GLYATL2: variants seen among roughly 807,000 people sequenced by gnomAD.
GLYATL2 encodes glycine-N-acyltransferase like 2, also known as glycine N-acyltransferase-like protein 2.
A neutral mutation model predicts 21.4 loss-of-function variants in GLYATL2; 25 were observed. That is an observed-to-expected ratio of 1.17 (90% CI 0.85 to 1.63). The LOEUF is 1.63. Among genes scored for constraint, GLYATL2 ranks in the 40% most tolerant of loss-of-function variants. GLYATL2 has a pLI of 0.00. For missense variants in GLYATL2, 361 were observed against 343.3 expected (o/e 1.05, Z -0.41); for synonymous variants, 114 against 118.2 (o/e 0.96, Z 0.23).
chr11:58,851,550 T>G (rs965524932), intron 1 of GLYATL2, among the ~76,000 whole-genome samples: 2 of 100,822 alleles, frequency 2.0e-5, no homozygotes, highest in African/African-American at 6.3e-5. Context: ...CCACAAAAAT[T>G]AAATATTAAA....
intron 1 of GLYATL2, among the ~76,000 whole-genome samples, chr11:58,877,088 T>A (rs1854248232): frequency 6.6e-6 from 1 of 152,202 alleles, no homozygotes; most frequent in African/African-American, 2.4e-5. Context: ...CCTCTGTGCC[T>A]TGTGCAGGAT....
chr11:58,895,840 T>C (rs1339869297), intron 1 of GLYATL2, among the ~76,000 whole-genome samples: 5 of 151,506 alleles, frequency 3.3e-5, no homozygotes, highest in Admixed American at 1.3e-4. Context: ...GCCAGGCATA[T>C]TCAACATGGA....
chr11:58,875,723 T>C (rs1479632383), intron 1 of GLYATL2, among the ~76,000 whole-genome samples: 1 of 152,224 alleles, frequency 6.6e-6, no homozygotes, highest in Non-Finnish European at 1.5e-5. Context: ...GCCCTCAACA[T>C]TTTTTCCTTC....
rs774789398 is a variant in GLYATL2 at position 58,834,643 on chromosome 11, C to T, written c.671G>A (p.Arg224Lys). 6.2e-7 allele frequency: 1 copy of T among 1,613,486 alleles called. No individual in the cohort carries two copies. Among genetic ancestry groups the T allele is most frequent in the South Asian group, 1.1e-5 (1 of 91,014 alleles). The change falls in exon 6 of 6, where the codon AGA (arginine) becomes AAA (lysine). Residue 224 changes from arginine to lysine, a missense_variant. Arg to Lys is a conservative substitution (Grantham distance 26). Transcript: ENST00000287275. ...WIVMEQSCELRMGYTVPKYRH... is the reference protein window; with the variant it reads ...WIVMEQSCELKMGYTVPKYRH... ...GTATTTGGGGACAGTATAACCCATT[C>T]TCAACTCACAGGACTGTTCCATCAC...
intron 1 of GLYATL2, among the ~76,000 whole-genome samples, chr11:58,851,896 A>T (rs1853747960): frequency 6.6e-6 from 1 of 152,218 alleles, no homozygotes; most frequent in Admixed American, 6.5e-5. Flanking sequence ...AGCTAGCATG[A>T]TAGCCTACTG....
chr11:58,862,303 C>T (rs1853946322), intron 1 of GLYATL2, among the ~76,000 whole-genome samples: 1 of 152,064 alleles, frequency 6.6e-6, no homozygotes, highest in Non-Finnish European at 1.5e-5. Flanking sequence ...GGGATTGAAT[C>T]TTATCAAACA....
intron 1 of GLYATL2, among the ~76,000 whole-genome samples, chr11:58,865,945 T>C (rs1467809825): frequency 2.0e-5 from 3 of 149,042 alleles, no homozygotes; most frequent in African/African-American, 4.8e-5. Flanking sequence ...CTTTAGACTC[T>C]AAGAGCACTA....
intron 1 of GLYATL2, among the ~76,000 whole-genome samples, chr11:58,855,603 A>G (rs1474378629): frequency 6.6e-6 from 1 of 152,224 alleles, no homozygotes; most frequent in African/African-American, 2.4e-5. Flanking sequence ...CATAAACTCT[A>G]ATGAGAAAGT....
chr11:58,890,610 T>C (rs1387057641), intron 1 of GLYATL2, among the ~76,000 whole-genome samples: 2 of 152,166 alleles, frequency 1.3e-5, no homozygotes, highest in African/African-American at 4.8e-5. Flanking sequence ...TCTATTAGTT[T>C]GTTGAGGTTT....
Position 58,834,091 on chromosome 11 carries a change from C to G in GLYATL2, c.*338G>C, listed in dbSNP as rs564158266. On this transcript the variant is annotated 3_prime_UTR_variant, in exon 6 of 6. Coordinates refer to ENST00000287275, the MANE Select transcript of GLYATL2 (RefSeq NM_145016.4). Reference sequence around the variant, plus strand: ...TTTAAAAGCAGACTTTTTATTTTAACAAGAAAGTCATAAAAGTGAATTTTT... The same window carrying G: ...TTTAAAAGCAGACTTTTTATTTTAAGAAGAAAGTCATAAAAGTGAATTTTT... The G allele has an allele frequency of 5.9e-6, 1 of 170,252 alleles. No individual in the cohort carries two copies. The highest frequency in any genetic ancestry group is 1.2e-5 in the Non-Finnish European group (1 of 80,646). The allele number at this position is 170,252 out of a possible 1,614,324, so 10.5% of individuals were successfully genotyped here.
chr11:58,899,828 T>C (rs528651807), intron 1 of GLYATL2, among the ~76,000 whole-genome samples: 277 of 152,204 alleles, frequency 1.8e-3, no homozygotes, highest in African/African-American at 5.7e-3. Flanking sequence ...TATATATATA[T>C]ACACACACAT....
In GLYATL2 at chr11:58,897,453, A is replaced by G. The variant is rs1320772212; in HGVS notation, n.60+6703T>C. On this transcript the variant is annotated intron_variant and non_coding_transcript_variant, in intron 1 of 4. Transcript: ENST00000533636. ...AAACCTATAAGGGTGCCAACCTTTT[A>G]GAACTGTGTGTCTTCACAAGGACCT... Among the ~76,000 whole-genome samples, 4 of 152,200 alleles carry G rather than the reference A, an allele frequency of 2.6e-5. No individual in the cohort carries two copies. In the East Asian group the frequency reaches 7.7e-4, roughly 29 times the overall value.
chr11:58,836,250 A>G (rs1590711215), intron 5 of GLYATL2, among the ~76,000 whole-genome samples: 7 of 152,052 alleles, frequency 4.6e-5, no homozygotes. Context: ...GTAGCAATCT[A>G]TTTTGGAAAT....
upstream of GLYATL2, chr11:58,904,251 C>T (rs1169536923): frequency 6.6e-6 from 1 of 152,172 alleles, no homozygotes; most frequent in Non-Finnish European, 1.5e-5. Context: ...TAGAGTTTGT[C>T]CCCCACGCAG....
Position 58,860,322 on chromosome 11 carries a change from C to A in GLYATL2, n.61-21954G>T, listed in dbSNP as rs1351627047. 5.4e-4 allele frequency among the ~76,000 whole-genome samples: 16 copies of A among 29,610 alleles called. 1 individual carries two copies. The highest frequency in any genetic ancestry group is 5.0e-3 in the Non-Finnish European group (15 of 2,988). The allele number at this position is 29,610 out of a possible 152,430, so 19.4% of individuals were successfully genotyped here. ...GTTTAATAATTTCCACTATATAAGT[C>A]TTTTACCACCTTGTTTAAGTTTACT... On this transcript the variant is annotated intron_variant and non_coding_transcript_variant, in intron 1 of 4. Coordinates refer to the GLYATL2 transcript ENST00000533636.
chr11:58,855,336 T>C (rs1449077015), intron 1 of GLYATL2, among the ~76,000 whole-genome samples: 1 of 152,244 alleles, frequency 6.6e-6, no homozygotes, highest in Non-Finnish European at 1.5e-5. Flanking sequence ...TACATCTCCA[T>C]CAGAGCTCTT....
chr11:58,874,774 G>C (rs1854194952), intron 1 of GLYATL2, among the ~76,000 whole-genome samples: 1 of 152,178 alleles, frequency 6.6e-6, no homozygotes, highest in Non-Finnish European at 1.5e-5. Flanking sequence ...TGTTGATTTT[G>C]GATGGAGAGT....
intron 1 of GLYATL2, among the ~76,000 whole-genome samples, chr11:58,883,640 AAGG>A (rs1386358585): frequency 1.3e-5 from 2 of 152,204 alleles, no homozygotes; most frequent in Non-Finnish European, 2.9e-5. Flanking sequence ...TCAGAGGTAC[AAGG>A]AGGAGCTGGT....
chr11:58,907,377 C>T (rs1442092098), upstream of GLYATL2: 2 of 456,286 alleles, frequency 4.4e-6, no homozygotes, highest in Non-Finnish European at 8.8e-6. Context: ...TCACGGTAGT[C>T]TGCTGGAGTG....
Sources: gnomAD v4.1 joint callset for allele counts (sites outside exome capture counted in the v4.1 genomes callset) on GRCh38, gnomAD v4.1.1 for gene constraint, MANE v1.5 for transcripts, NCBI Gene and HGNC (gene_info 2026-07-23, HGNC 2026-07-21) for gene names.